Variants in TMPRSS11B observed in about 807,000 individuals in gnomAD.
TMPRSS11B encodes transmembrane protease serine 11B.
A neutral mutation model predicts 44.7 loss-of-function variants in TMPRSS11B; 53 were observed. The observed-to-expected ratio is 1.19, with a 90% CI of 0.95 to 1.49. The LOEUF (loss-of-function observed/expected upper bound fraction) is 1.49. Ranked by LOEUF, TMPRSS11B falls within the 40% of genes most tolerant of loss-of-function variation. The pLI, the probability that TMPRSS11B is intolerant of heterozygous loss-of-function variation, is 0.00. For synonymous variants in TMPRSS11B, 140 were observed against 159.2 expected (o/e 0.88, Z 0.91); for missense variants, 526 against 494.8 (o/e 1.06, Z -0.60).
chr4:68,242,212 A>G (rs1381579438), intron 1 of TMPRSS11B, among the ~76,000 whole-genome samples: 1 of 26,320 alleles, frequency 3.8e-5, no homozygotes, highest in Non-Finnish European at 7.3e-5. Flanking sequence ...AATATAATAT[A>G]TATAATATTA....
At chr4:68,228,918 C>G in intron 8 of TMPRSS11B, 34 bp from the exon 9 acceptor site, 3 of 1,595,882 alleles carry the variant, frequency 1.9e-6, no homozygotes, top group Non-Finnish European at 2.6e-6. Flanking sequence ...TTATGCAGAT[C>G]TTAGACTTTG....
chr4:68,240,038 ATC>A (rs1719782100), intron 2 of TMPRSS11B, among the ~76,000 whole-genome samples: 1 of 152,238 alleles, frequency 6.6e-6, no homozygotes, highest in Non-Finnish European at 1.5e-5. Flanking sequence ...TGAAATACTT[ATC>A]TCTGAGTTAA....
chr4:68,239,246 T>G (rs1719754731), intron 2 of TMPRSS11B, among the ~76,000 whole-genome samples: 2 of 151,802 alleles, frequency 1.3e-5, no homozygotes, highest in Admixed American at 6.6e-5. Context: ...ACCAGATCTC[T>G]CTTGCGCGCT....
rs778070932 is a variant in TMPRSS11B, at chr4:68,228,735, G to A, written c.1089+7C>T. ...AGAAAACAACTGGATAATGTAACTAGACATACCTGACATGCATCAGCTTCT... is the reference window on the plus strand; with the variant it reads ...AGAAAACAACTGGATAATGTAACTAAACATACCTGACATGCATCAGCTTCT... On this transcript the variant is annotated splice_region_variant and intron_variant, in intron 9 of 9. Coordinates refer to ENST00000332644, the MANE Select transcript of TMPRSS11B (RefSeq NM_182502.3). 6.2e-7 allele frequency: 1 copy of A among 1,603,752 alleles called. No individual in the cohort carries two copies. Among genetic ancestry groups the A allele is most frequent in the South Asian group, 1.1e-5 (1 of 88,776 alleles).
At chr4:68,241,920 T>C in intron 1 of TMPRSS11B, 116 bp from the exon 2 acceptor site, 1 of 643,852 alleles carries the variant, frequency 1.6e-6, no homozygotes, top group South Asian at 1.9e-5. Context: ...TTATGCTAGC[T>C]GAAAACATAG....
chr4:68,227,944 A>G lies in TMPRSS11B; in HGVS notation c.1218T>C (p.Tyr406=). 6.2e-7 allele frequency: 1 copy of G among 1,612,526 alleles called. No homozygotes were observed. Among genetic ancestry groups the G allele is most frequent in the Non-Finnish European group, 8.5e-7 (1 of 1,179,496 alleles). ...KPGVYTRVTS[Y]RNWITSKTGL ...CAGTCTTGGATGTAATCCAATTGCGATAAGAAGTCACTCGAGTATAGACAC... is the reference window on the plus strand; with the variant it reads ...CAGTCTTGGATGTAATCCAATTGCGGTAAGAAGTCACTCGAGTATAGACAC... Residue 406 remains tyrosine (Y), a synonymous_variant, in exon 10 of 10, where the codon TAT becomes TAC. Transcript: ENST00000332644.
Position 68,231,270 on chromosome 4 carries a change from G to A in TMPRSS11B, c.619C>T (p.Arg207Cys), listed in dbSNP as rs1243086808. 29 of 1,613,560 alleles carry A rather than the reference G, an allele frequency of 1.8e-5. No homozygotes were observed. The highest frequency in any genetic ancestry group is 1.3e-4 in the Admixed American group (8 of 59,950). The change falls in exon 7 of 10, where the codon CGT becomes TGT. Residue 207 changes from arginine (R) to cysteine (C), a missense_variant. Physicochemically the swap from Arg to Cys is radical, Grantham distance 180. Coordinates refer to ENST00000332644, the MANE Select transcript of TMPRSS11B (RefSeq NM_182502.3). ...PWQASMQWKG[R>C]HYCGASLISS... ...ATCAGAGAGGCTCCACAGTAGTGAC[G>A]GCCTTTCCATTGCATGCTGGCCTGC...
At chr4:68,228,996 C>T in intron 8 of TMPRSS11B, 112 bp from the exon 9 acceptor site, 5 of 1,198,576 alleles carry the variant, frequency 4.2e-6, no homozygotes, top group Non-Finnish European at 3.5e-6. Flanking sequence ...CAGGCCAGTC[C>T]CAGGTTAGAT....
At chr4:68,234,351 G>A (rs1352576192) in intron 5 of TMPRSS11B, 112 bp downstream of exon 5, 3 of 1,048,330 alleles carry the variant, frequency 2.9e-6, no homozygotes, top group Admixed American at 2.5e-5. Context: ...AGTTAGGTAC[G>A]CATATTTTTT....
intron 2 of TMPRSS11B, among the ~76,000 whole-genome samples, chr4:68,239,729 TAAC>T (rs1044733241): frequency 6.6e-6 from 1 of 152,160 alleles, no homozygotes; most frequent in African/African-American, 2.4e-5. Context: ...TAATAGATTA[TAAC>T]AATACCTATA....
At chr4:68,234,750 ACTAT>A (rs1289783794) in intron 4 of TMPRSS11B, 127 bp from the exon 5 acceptor site, 4 of 940,306 alleles carry the variant, frequency 4.3e-6, no homozygotes, top group Non-Finnish European at 4.7e-6. Context: ...ATATACATAT[ACTAT>A]CTAAGCATGT....
intron 9 of TMPRSS11B, among the ~76,000 whole-genome samples, 182 bp downstream of exon 9, chr4:68,228,560 C>T (rs1407378490): frequency 6.6e-6 from 1 of 152,222 alleles, no homozygotes; most frequent in Non-Finnish European, 1.5e-5. Flanking sequence ...GGATTGTGTT[C>T]ACCTCCACGT....
intron 4 of TMPRSS11B, among the ~76,000 whole-genome samples, chr4:68,235,467 C>A (rs1018842884): frequency 6.6e-6 from 1 of 152,086 alleles, no homozygotes; most frequent in Non-Finnish European, 1.5e-5. Context: ...ATACACTATA[C>A]CCTCCTCCCT....
intron 1 of TMPRSS11B, among the ~76,000 whole-genome samples, chr4:68,243,484 G>C (rs188815321): frequency 6.6e-6 from 1 of 151,666 alleles, no homozygotes; most frequent in African/African-American, 2.4e-5. Flanking sequence ...TTAGTGTTTC[G>C]CAGAACCAAC....
chr4:68,234,355 A>T, intron 5 of TMPRSS11B, 108 bp downstream of exon 5: 1 of 1,203,784 alleles, frequency 8.3e-7, no homozygotes, highest in Non-Finnish European at 1.1e-6. Context: ...AGGTACGCAT[A>T]TTTTTTTCCC....
At chr4:68,239,435 C>A (rs1467344586) in intron 2 of TMPRSS11B, among the ~76,000 whole-genome samples, 1 of 152,118 alleles carries the variant, frequency 6.6e-6, no homozygotes, top group Non-Finnish European at 1.5e-5. Context: ...AACTAACCAG[C>A]ATATTGGTCT....
intron 1 of TMPRSS11B, among the ~76,000 whole-genome samples, chr4:68,245,207 T>C (rs1000351397): frequency 6.6e-6 from 1 of 152,216 alleles, no homozygotes; most frequent in Non-Finnish European, 1.5e-5. Flanking sequence ...TTAGAAAATT[T>C]GATTTCAATT....
At position 68,241,716 on chromosome 4, in the gene TMPRSS11B, C is replaced by A; in HGVS notation, c.97G>T (p.Gly33Cys). 1 of 1,611,378 alleles carries A rather than the reference C, an allele frequency of 6.2e-7. No individual in the cohort carries two copies. The highest frequency in any genetic ancestry group is 8.5e-7 in the Non-Finnish European group (1 of 1,178,400). The change falls in exon 2 of 10, where the codon GGT (glycine) becomes TGT (cysteine). Residue 33 changes from glycine (G) to cysteine (C), a missense_variant. Physicochemically the swap from Gly to Cys is radical, Grantham distance 159. Coordinates refer to ENST00000332644, the MANE Select transcript of TMPRSS11B (RefSeq NM_182502.3). ...GVAAILGVTI[G>C]LLVHFLAVEK... is the part of the protein sequence containing the mutation. ...ACTGCCAGAAAATGAACAAGAAGACCAATGGTTACTCCCAAGATTGCCGCC... is the reference window on the plus strand; with the variant it reads ...ACTGCCAGAAAATGAACAAGAAGACAAATGGTTACTCCCAAGATTGCCGCC...
intron 7 of TMPRSS11B, among the ~76,000 whole-genome samples, chr4:68,230,536 G>A (rs1348059605): frequency 1.3e-5 from 2 of 152,122 alleles, no homozygotes; most frequent in Admixed American, 1.3e-4. Flanking sequence ...GGGCATGGTG[G>A]CTCGCACCTG....
Sources: gnomAD v4.1 joint callset for allele counts (sites outside exome capture counted in the v4.1 genomes callset) on GRCh38, gnomAD v4.1.1 for gene constraint, MANE v1.5 for transcripts, NCBI Gene and HGNC (gene_info 2026-07-23, HGNC 2026-07-21) for gene names.